ARID4A: variants seen among roughly 807,000 people sequenced by gnomAD.
ARID4A encodes AT-rich interactive domain-containing protein 4A.
In ARID4A, 39 loss-of-function variants were observed where a neutral mutation model predicts 148.6. The observed-to-expected ratio is 0.26, with a 90% CI of 0.20 to 0.34. The LOEUF (loss-of-function observed/expected upper bound fraction) is 0.34, where lower values mean the gene tolerates loss of function less well. Among genes scored for constraint, ARID4A ranks in the 10% least tolerant of loss-of-function variants. The pLI is 1.00. For missense variants in ARID4A, 1,265 were observed against 1,449.1 expected, an observed-to-expected ratio of 0.87 and a Z score of 2.06; for synonymous variants, 475 against 481.2, an observed-to-expected ratio of 0.99 and a Z score of 0.17.
At chr14:58,305,974 G>A (rs2031569563) in intron 4 of ARID4A, 48 bp from the exon 5 acceptor site, 5 of 1,357,034 alleles carry the variant, frequency 3.7e-6, no homozygotes, top group Non-Finnish European at 5.3e-6. Context: ...GGAGTGATTT[G>A]GTTTATTTGT....
chr14:58,365,051 C>T lies in ARID4A; in HGVS notation c.2962C>T (p.Leu988Phe). 1 of 1,614,162 alleles carries T rather than the reference C, an allele frequency of 6.2e-7. No individual in the cohort carries two copies. The highest frequency in any genetic ancestry group is 8.5e-7 in the Non-Finnish European group (1 of 1,180,036). Residue 988 changes from leucine (L) to phenylalanine (F), a missense_variant, in exon 20 of 24, where the codon CTT becomes TTT. Physicochemically the swap from Leu to Phe is conservative, Grantham distance 22 (BLOSUM62 0). Transcript: ENST00000355431. ...VAVESSESNS[L>F]VSIPPALPPV... ...AGTTGAAAGCTCTGAGTCTAACTCT[C>T]TTGTTTCTATTCCACCTGCCCTACC...
intron 5 of ARID4A, among the ~76,000 whole-genome samples, chr14:58,312,601 G>A (rs1443726484): frequency 6.6e-6 from 1 of 152,170 alleles, no homozygotes; most frequent in Non-Finnish European, 1.5e-5. Flanking sequence ...GCTTCATTAT[G>A]TGAAGAATTC....
At chr14:58,324,673 AT>A (rs984078372) in intron 8 of ARID4A, among the ~76,000 whole-genome samples, 7 of 152,286 alleles carry the variant, frequency 4.6e-5, no homozygotes, top group East Asian at 1.9e-4. Flanking sequence ...TCAGTTTTGC[AT>A]TTTTTAAATG....
rs368362155 is a variant in ARID4A at position 58,365,365 on chromosome 14, A to C, written c.3211+65A>C. On this transcript the variant is annotated intron_variant, in intron 20 of 23. Transcript: ENST00000355431. ...CCAAAAATCAAAACTGTTGAGTTTCAGGTACTGTTGATCTGTAAAGTACTT... is the reference window on the plus strand; with the variant it reads ...CCAAAAATCAAAACTGTTGAGTTTCCGGTACTGTTGATCTGTAAAGTACTT... 2,105 of 1,510,708 alleles carry C rather than the reference A, an allele frequency of 1.4e-3. 6 individuals carry two copies. The highest frequency in any genetic ancestry group is 2.7e-3 in the South Asian group (207 of 75,948). 93.6% of individuals were successfully genotyped at this position (1,510,708 alleles called of 1,614,324 possible). A position where few individuals can be genotyped will look rare whatever the true frequency, so the allele number is the denominator to read the frequency against.
chr14:58,303,311 C>T (rs551582546), intron 3 of ARID4A, among the ~76,000 whole-genome samples: 1 of 152,162 alleles, frequency 6.6e-6, no homozygotes, highest in South Asian at 2.1e-4. Context: ...ATTCAGTATC[C>T]TCCTCTTAGC....
chr14:58,351,368 A>G, intron 16 of ARID4A, 45 bp downstream of exon 16: 1 of 1,557,542 alleles, frequency 6.4e-7, no homozygotes, highest in Non-Finnish European at 8.6e-7. Flanking sequence ...TGTCTGGGGT[A>G]CAACAGCGCT....
intron 17 of ARID4A, among the ~76,000 whole-genome samples, chr14:58,354,227 T>A (rs974731977): frequency 6.6e-6 from 1 of 152,230 alleles, no homozygotes; most frequent in Non-Finnish European, 1.5e-5. Flanking sequence ...TATTACTGAC[T>A]ATGAGCAGGG....
In ARID4A at chr14:58,318,666, G is replaced by C. The variant is rs375739795; in HGVS notation, c.354+45G>C. Reference sequence around the variant, plus strand: ...CGATTTGGATTGAACTACAGGTACTGATCTAGAGGTAAAACGTAATTTAAT... The same window carrying C: ...CGATTTGGATTGAACTACAGGTACTCATCTAGAGGTAAAACGTAATTTAAT... On this transcript the variant is annotated intron_variant, in intron 6 of 23. Transcript: ENST00000355431. 1.6e-4 allele frequency: 256 copies of C among 1,612,692 alleles called. 1 individual carries two copies. The highest frequency in any genetic ancestry group is 2.1e-4 in the Non-Finnish European group (246 of 1,178,834).
intron 11 of ARID4A, among the ~76,000 whole-genome samples, chr14:58,341,528 C>G (rs555210514): frequency 6.6e-6 from 1 of 152,200 alleles, no homozygotes; most frequent in African/African-American, 2.4e-5. Flanking sequence ...CTTACCACAT[C>G]GTGTTATATT....
chr14:58,347,155 T>C, intron 14 of ARID4A, 38 bp downstream of exon 14: 2 of 1,123,446 alleles, frequency 1.8e-6, no homozygotes, highest in Admixed American at 2.5e-5. Flanking sequence ...AATATATATT[T>C]ATAGGAAATA....
At chr14:58,303,245 A>G (rs2031335552) in intron 3 of ARID4A, among the ~76,000 whole-genome samples, 1 of 152,178 alleles carries the variant, frequency 6.6e-6, no homozygotes, top group South Asian at 2.1e-4. Context: ...TGATTAAATC[A>G]AGATAATTTG....
intron 8 of ARID4A, among the ~76,000 whole-genome samples, chr14:58,326,442 A>G (rs1165424857): frequency 6.6e-6 from 1 of 152,212 alleles, no homozygotes; most frequent in Non-Finnish European, 1.5e-5. Flanking sequence ...GTCTCAGAAA[A>G]AAAAGTAGGA....
chr14:58,315,905 G>A lies in ARID4A; in HGVS notation c.275-2637G>A, dbSNP rs557947878. Among the ~76,000 whole-genome samples the A allele has an allele frequency of 8.5e-5, 13 of 152,164 alleles. No individual in the cohort carries two copies. In the South Asian group the frequency reaches 1.9e-3, roughly 22 times the overall value. On this transcript the variant is annotated intron_variant, in intron 5 of 23. Transcript: ENST00000355431. ...CTTTTTTAGAATCATGGTTCTTTGA[G>A]TATGTGCTTCGGGAGTTTTTAATTT...
At chr14:58,306,216 T>TTC in intron 5 of ARID4A, 104 bp downstream of exon 5, 4 of 838,992 alleles carry the variant, frequency 4.8e-6, no homozygotes, top group Non-Finnish European at 7.7e-6. Context: ...TATATATTAT[T>TTC]TCCTGTCAGT....
chr14:58,301,600 C>T lies in ARID4A; in HGVS notation c.27C>T (p.Tyr9=), dbSNP rs1241167494. 6.2e-7 allele frequency: 1 copy of T among 1,613,916 alleles called. No individual in the cohort carries two copies. The highest frequency in any genetic ancestry group is 1.7e-5 in the Admixed American group (1 of 60,010). The change falls in exon 3 of 24, where the codon TAC becomes TAT. Residue 9 remains tyrosine, a synonymous_variant. Coordinates refer to ENST00000355431, the MANE Select transcript of ARID4A (RefSeq NM_002892.4). MKAADEPA[Y]LTVGTDVSAK... ...ACCAGGCGGCAGATGAGCCTGCCTA[C>T]CTGACAGTGGGAACCGATGTCAGTG...
At position 58,330,059 on chromosome 14, in the gene ARID4A, A is replaced by G. The variant is rs1247440080; in HGVS notation, c.796A>G (p.Met266Val). The change falls in exon 11 of 24, where the codon ATG (methionine) becomes GTG (valine). Residue 266 changes from methionine (M) to valine (V), a missense_variant. Physicochemically the swap from Met to Val is conservative, Grantham distance 21. This residue lies in a region of ARID4A where 249 missense variants were observed against 277.2 expected (regional missense o/e 0.90). Coordinates refer to ENST00000355431, the MANE Select transcript of ARID4A (RefSeq NM_002892.4). ...TAGAGTTGTTCCTGATAATTGGAAA[A>G]TGGATATAAGTGAAATCCTTGAGTC... ...KTRVVPDNWK[M>V]DISEILESSS... The G allele has an allele frequency of 2.5e-6, 4 of 1,612,908 alleles. No homozygotes were observed. The highest frequency in any genetic ancestry group is 3.4e-6 in the Non-Finnish European group (4 of 1,179,732).
chr14:58,319,038 A>G (rs537950389), intron 7 of ARID4A, among the ~76,000 whole-genome samples: 1 of 152,100 alleles, frequency 6.6e-6, no homozygotes, highest in East Asian at 1.9e-4. Context: ...TACTTTGCCG[A>G]AGTTTTTTTT....
chr14:58,349,314 A>G (rs1344707038), intron 15 of ARID4A, among the ~76,000 whole-genome samples: 1 of 152,104 alleles, frequency 6.6e-6, no homozygotes, highest in African/African-American at 2.4e-5. Context: ...TGAACCATAA[A>G]TCTACCTTCT....
At chr14:58,301,403 CTA>C (rs1224522861) in intron 2 of ARID4A, among the ~76,000 whole-genome samples, 175 bp from the exon 3 acceptor site, 1 of 152,048 alleles carries the variant, frequency 6.6e-6, no homozygotes. Flanking sequence ...GGACATCAGT[CTA>C]TAAAATGAAA....
Sources: gnomAD v4.1 joint callset for allele counts (sites outside exome capture counted in the v4.1 genomes callset) on GRCh38, gnomAD v4.1.1 for gene constraint, gnomAD v4.1.1 regional missense constraint, MANE v1.5 for transcripts, NCBI Gene and HGNC (gene_info 2026-07-23, HGNC 2026-07-21) for gene names.